COL4A4: variants seen among roughly 807,000 people sequenced by gnomAD.
COL4A4 encodes the protein collagen type IV alpha 4 chain, also known as collagen alpha-4(IV) chain.
Under a neutral mutation model 192.9 loss-of-function variants are expected in COL4A4, and 105 were observed. The observed-to-expected ratio is 0.54, with a 90% CI of 0.46 to 0.64. COL4A4 has a LOEUF of 0.64. COL4A4 is among the 30% of genes least tolerant of loss of function. COL4A4 has a pLI of 0.00. For synonymous variants in COL4A4, 762 were observed against 769.9 expected, an observed-to-expected ratio of 0.99 and a Z score of 0.17; for missense variants, 1,967 against 2,169.3, an observed-to-expected ratio of 0.91 and a Z score of 1.85.
chr2:227,163,184 C>G (rs1206420752), intron 1 of COL4A4, among the ~76,000 whole-genome samples: 1 of 152,214 alleles, frequency 6.6e-6, no homozygotes, highest in Non-Finnish European at 1.5e-5. Context: ...CTTTTAGTAA[C>G]ATGTCACAGA....
the COL4A4 span, among the ~76,000 whole-genome samples, chr2:226,974,545 G>A: frequency 2.6e-5 from 4 of 152,292 alleles, no homozygotes; most frequent in South Asian, 8.3e-4. Context: ...CCTGGGTGTT[G>A]CTCTTTTTAG....
chr2:227,118,440 A>T (rs2061602528), intron 7 of COL4A4, among the ~76,000 whole-genome samples: 1 of 152,062 alleles, frequency 6.6e-6, no homozygotes, highest in African/African-American at 2.4e-5. Context: ...TGGATAAGAA[A>T]ATCTAGCCTC....
Position 227,123,296 on chromosome 2 carries a change from G to A in COL4A4, c.193-2148C>T, listed in dbSNP as rs544837463. ...GTTATATGCAATAGCAAGAGAAACCGGAAATCCACGGGAAAGGCACCAACC... is the reference window on the plus strand; with the variant it reads ...GTTATATGCAATAGCAAGAGAAACCAGAAATCCACGGGAAAGGCACCAACC... On this transcript the variant is annotated intron_variant, in intron 4 of 47. Coordinates refer to ENST00000396625, the MANE Select transcript of COL4A4 (RefSeq NM_000092.5). The surrounding 1 kb of genome is among the most constrained non-coding windows in gnomAD (Gnocchi z 4.6). Among the ~76,000 whole-genome samples the A allele has an allele frequency of 2.5e-4, 38 of 152,180 alleles. No individual in the cohort carries two copies. The highest frequency in any genetic ancestry group is 5.1e-4 in the Non-Finnish European group (35 of 68,038).
intron 37 of COL4A4, among the ~76,000 whole-genome samples, chr2:227,041,886 G>T (rs938831709): frequency 6.9e-6 from 1 of 145,398 alleles, no homozygotes; most frequent in South Asian, 2.1e-4. Context: ...AAGAAAGAAA[G>T]AAAGAAAGAA....
intron 46 of COL4A4, among the ~76,000 whole-genome samples, chr2:227,009,044 AG>A (rs1962870436): frequency 1.3e-5 from 2 of 152,222 alleles, no homozygotes; most frequent in South Asian, 4.1e-4. Flanking sequence ...TTGATGGCAG[AG>A]GGAGAGAAGG....
At chr2:227,089,607 A>ATATATATATATATG (rs1383952702) in intron 21 of COL4A4, among the ~76,000 whole-genome samples, 3 of 138,202 alleles carry the variant, frequency 2.2e-5, no homozygotes, top group African/African-American at 8.5e-5. Flanking sequence ...ATATATATAT[A>ATATATATATATATG]TACATACATA....
chr2:227,106,540 T>C (rs1056655866), intron 12 of COL4A4, among the ~76,000 whole-genome samples: 2 of 142,170 alleles, frequency 1.4e-5, no homozygotes, highest in African/African-American at 5.3e-5. Context: ...CATCTGAGAA[T>C]TCTGCATCAA....
intron 3 of COL4A4, 50 bp downstream of exon 3, chr2:227,144,466 T>C (rs773062572): frequency 4.0e-6 from 6 of 1,506,978 alleles, no homozygotes; most frequent in Admixed American, 1.7e-5. Flanking sequence ...AATTATGCAT[T>C]CTATAAAGTG....
At chr2:227,142,707 G>T (rs543263355) in intron 3 of COL4A4, among the ~76,000 whole-genome samples, 1 of 149,838 alleles carries the variant, frequency 6.7e-6, no homozygotes, top group South Asian at 2.1e-4. Flanking sequence ...AGTGAGCTGA[G>T]ATCGTACCAC....
chr2:227,100,551 A>C (rs1044797936), intron 17 of COL4A4, among the ~76,000 whole-genome samples: 3 of 152,222 alleles, frequency 2.0e-5, no homozygotes, highest in Non-Finnish European at 4.4e-5. Context: ...ATGATTTAAA[A>C]TATAAGATAT....
chr2:227,059,655 T>C, intron 27 of COL4A4, 32 bp from the exon 28 acceptor site: 1 of 1,518,722 alleles, frequency 6.6e-7, no homozygotes, highest in Non-Finnish European at 9.1e-7. Flanking sequence ...TTTTTAATGA[T>C]AACATGTGCA....
At chr2:227,002,098 A>C (rs888802176), downstream of COL4A4, among the ~76,000 whole-genome samples, 1 of 142,894 alleles carries the variant, frequency 7.0e-6, no homozygotes, top group African/African-American at 2.5e-5. Flanking sequence ...CGAGCCTGCG[A>C]GTTCAAGGCT....
chr2:227,041,810 A>AAG (rs1480986094), intron 37 of COL4A4, among the ~76,000 whole-genome samples: 1 of 24,146 alleles, frequency 4.1e-5, no homozygotes, highest in Admixed American at 5.5e-4. Flanking sequence ...GAAAGGAAGA[A>AAG]AGAAAGAAAG....
intron 19 of COL4A4, among the ~76,000 whole-genome samples, chr2:227,094,540 T>TG (rs2060107217): frequency 6.6e-6 from 1 of 152,080 alleles, no homozygotes; most frequent in African/African-American, 2.4e-5. Flanking sequence ...TCCCAGGGGC[T>TG]GGGGGAAGAG....
the COL4A4 span, among the ~76,000 whole-genome samples, chr2:226,973,137 A>G: frequency 6.6e-6 from 1 of 152,120 alleles, no homozygotes; most frequent in Non-Finnish European, 1.5e-5. Context: ...CACTTTCAGT[A>G]TTTCCTTTTT....
intron 1 of COL4A4, among the ~76,000 whole-genome samples, chr2:227,155,247 C>G (rs1160628739): frequency 1.3e-5 from 2 of 151,706 alleles, no homozygotes; most frequent in African/African-American, 2.4e-5. Context: ...TCAGTTGACA[C>G]TGGAGTTGAG....
At chr2:227,162,048 G>C (rs918620589) in intron 1 of COL4A4, among the ~76,000 whole-genome samples, 1 of 152,178 alleles carries the variant, frequency 6.6e-6, no homozygotes, top group Non-Finnish European at 1.5e-5. Context: ...GGTATGGTGA[G>C]TATGTCTATT....
chr2:227,072,820 GA>G (rs2058799289), intron 25 of COL4A4, among the ~76,000 whole-genome samples: 1 of 151,944 alleles, frequency 6.6e-6, no homozygotes, highest in African/African-American at 2.4e-5. Flanking sequence ...AATAGATGCA[GA>G]AAAAGCATTC....
intron 1 of COL4A4, among the ~76,000 whole-genome samples, chr2:227,155,813 T>A (rs183479314): frequency 6.6e-6 from 1 of 152,284 alleles, no homozygotes; most frequent in East Asian, 1.9e-4. Context: ...AGCTTTGAAG[T>A]TAAGAAGATT....
Sources: allele counts gnomAD v4.1 joint callset (sites outside exome capture counted in the v4.1 genomes callset), GRCh38; gene constraint gnomAD v4.1.1; non-coding constraint Gnocchi (gnomAD v3.1); transcripts MANE v1.5; gene names NCBI Gene and HGNC (gene_info 2026-07-23, HGNC 2026-07-21).